Variants in UNC5C observed in about 807,000 individuals in gnomAD.
The protein encoded by UNC5C is unc-5 netrin receptor C.
UNC5C carries 47 observed loss-of-function variants against 99.8 expected under a neutral mutation model. The ratio of observed to expected loss-of-function variants is 0.47; its 90% CI spans 0.37 to 0.60. The LOEUF (loss-of-function observed/expected upper bound fraction) is 0.60, where lower values mean the gene tolerates loss of function less well. Among genes scored for constraint, UNC5C ranks in the 20% least tolerant of loss-of-function variants. The pLI, the probability that UNC5C is intolerant of heterozygous loss-of-function variation, is 0.00. For missense variants in UNC5C, 1,062 were observed against 1,165.9 expected, an observed-to-expected ratio of 0.91 and a Z score of 1.30; for synonymous variants, 487 against 452.2, an observed-to-expected ratio of 1.08 and a Z score of -0.98.
chr4:95,170,992 T>A (rs1038348516), intron 14 of UNC5C, among the ~76,000 whole-genome samples: 12 of 152,260 alleles, frequency 7.9e-5, no homozygotes, highest in Admixed American at 1.3e-4. Context: ...CCTTATTTTT[T>A]AAAAATCTAA....
intron 5 of UNC5C, chr4:95,248,715 C>T (rs2149381212): frequency 2.7e-6 from 1 of 367,646 alleles, no homozygotes; most frequent in Admixed American, 3.6e-5. Context: ...ACATTTCAGT[C>T]AAGGACAGAC....
intron 2 of UNC5C, among the ~76,000 whole-genome samples, chr4:95,311,611 A>C (rs536381150): frequency 6.6e-6 from 1 of 152,316 alleles, no homozygotes; most frequent in South Asian, 2.1e-4. Flanking sequence ...TGTTCGTGGA[A>C]ATCTAGTTAA....
intron 2 of UNC5C, among the ~76,000 whole-genome samples, chr4:95,323,357 CT>C (rs1579324306): frequency 6.6e-6 from 1 of 152,146 alleles, no homozygotes; most frequent in East Asian, 1.9e-4. Flanking sequence ...TGATAATTGT[CT>C]TTTTCAAGTT....
chr4:95,398,156 A>G lies in UNC5C; in HGVS notation c.125-62525T>C, dbSNP rs1056944900. On this transcript the variant is annotated intron_variant, in intron 1 of 15. Coordinates refer to ENST00000453304, the MANE Select transcript of UNC5C (RefSeq NM_003728.4). The stretch of plus-strand genomic sequence containing the variant: ...TCATTAAACACATGCAAATGAAAAC[A>G]CAGGATTCCATGCTTATCATCCAAA... Among the ~76,000 whole-genome samples, 38 of 151,522 alleles carry G rather than the reference A, an allele frequency of 2.5e-4. 1 individual carries two copies. Among genetic ancestry groups the G allele is most frequent in the Non-Finnish European group, 7.4e-5 (5 of 67,978 alleles).
At chr4:95,303,330 T>A (rs1160875677) in intron 2 of UNC5C, among the ~76,000 whole-genome samples, 1 of 152,188 alleles carries the variant, frequency 6.6e-6, no homozygotes, top group East Asian at 1.9e-4. Context: ...GCCTGCCAAG[T>A]AATCCCAATG....
At chr4:95,198,574 C>T (rs1200162554) in intron 12 of UNC5C, among the ~76,000 whole-genome samples, 1 of 142,916 alleles carries the variant, frequency 7.0e-6, no homozygotes, top group East Asian at 2.1e-4. Context: ...GAAAGACAGA[C>T]CACAAGGCAA....
intron 14 of UNC5C, among the ~76,000 whole-genome samples, chr4:95,174,696 G>C (rs1240544168): frequency 6.7e-6 from 1 of 149,548 alleles, no homozygotes; most frequent in Admixed American, 6.7e-5. Context: ...GTGTGGTGTG[G>C]TGCTGAAAAA....
intron 7 of UNC5C, among the ~76,000 whole-genome samples, chr4:95,229,841 A>T (rs538475716): frequency 4.9e-5 from 5 of 102,546 alleles, no homozygotes; most frequent in African/African-American, 2.0e-4. Context: ...ACGGAGTTTC[A>T]CTCTCATTGC....
intron 7 of UNC5C, among the ~76,000 whole-genome samples, chr4:95,235,565 A>G (rs1026540177): frequency 6.6e-6 from 1 of 152,214 alleles, no homozygotes; most frequent in Non-Finnish European, 1.5e-5. Context: ...GCCCATGCCT[A>G]TGTCCTGAAT....
intron 1 of UNC5C, among the ~76,000 whole-genome samples, chr4:95,370,661 C>T (rs774112885): frequency 6.6e-5 from 10 of 152,170 alleles, no homozygotes; most frequent in Non-Finnish European, 7.4e-5. Flanking sequence ...TATTTGGCAG[C>T]TTGATTTGTG....
chr4:95,480,637 G>T (rs55665115), intron 1 of UNC5C, among the ~76,000 whole-genome samples: 4,176 of 152,064 alleles, frequency 0.027, 186 homozygotes, highest in African/African-American at 0.088. Context: ...GAATCCAGCA[G>T]CACATCAAAA....
chr4:95,528,234 T>C (rs1722546581), intron 1 of UNC5C, among the ~76,000 whole-genome samples: 2 of 152,158 alleles, frequency 1.3e-5, no homozygotes, highest in South Asian at 2.1e-4. Context: ...CTCTAGCCCC[T>C]TTGATTTGAA....
intron 2 of UNC5C, among the ~76,000 whole-genome samples, chr4:95,322,945 A>G (rs1742747287): frequency 6.6e-6 from 1 of 151,930 alleles, no homozygotes; most frequent in Non-Finnish European, 1.5e-5. Flanking sequence ...CTCAAAAAAA[A>G]AAAAAAAAGA....
chr4:95,224,532 C>T (rs1198373621), intron 7 of UNC5C, among the ~76,000 whole-genome samples: 1 of 152,168 alleles, frequency 6.6e-6, no homozygotes, highest in Non-Finnish European at 1.5e-5. Context: ...TAGATTTAAA[C>T]TACTCAATAA....
chr4:95,177,709 G>A (rs1430904168), intron 14 of UNC5C, among the ~76,000 whole-genome samples: 1 of 152,084 alleles, frequency 6.6e-6, no homozygotes, highest in Non-Finnish European at 1.5e-5. Context: ...AGGTCTTCAT[G>A]TGGTAGGAGG....
chr4:95,290,071 A>C (rs2149399244), intron 3 of UNC5C, among the ~76,000 whole-genome samples: 1 of 152,292 alleles, frequency 6.6e-6, no homozygotes, highest in Admixed American at 6.5e-5. Flanking sequence ...TGAGAGGCCA[A>C]GATTGGGGAT....
At chr4:95,292,821 AT>A (rs1199796642) in intron 3 of UNC5C, among the ~76,000 whole-genome samples, 2 of 151,988 alleles carry the variant, frequency 1.3e-5, no homozygotes, top group Non-Finnish European at 1.5e-5. Context: ...ATTTTATTTC[AT>A]TTTTTTATGT....
At chr4:95,182,783 A>C in intron 14 of UNC5C, 114 bp downstream of exon 14, 2 of 1,164,084 alleles carry the variant, frequency 1.7e-6, no homozygotes, top group Non-Finnish European at 2.3e-6. Flanking sequence ...GATCTATAGA[A>C]AGCTTTTGAG....
intron 1 of UNC5C, among the ~76,000 whole-genome samples, chr4:95,447,827 G>A (rs930687895): frequency 3.3e-5 from 5 of 152,068 alleles, no homozygotes; most frequent in African/African-American, 9.7e-5. Context: ...TCATTAAGAC[G>A]CAATGATAGG....
Sources: allele counts gnomAD v4.1 joint callset (sites outside exome capture counted in the v4.1 genomes callset), GRCh38; gene constraint gnomAD v4.1.1; transcripts MANE v1.5; gene names NCBI Gene and HGNC (gene_info 2026-07-23, HGNC 2026-07-21).